GIGYF2: variants seen among roughly 807,000 people sequenced by gnomAD.
The protein encoded by GIGYF2 is GRB10 interacting GYF protein 2.
In GIGYF2, 25 loss-of-function variants were observed where a neutral mutation model predicts 208.1. The observed-to-expected ratio is 0.12, with a 90% CI of 0.09 to 0.17. The LOEUF (loss-of-function observed/expected upper bound fraction) is 0.17, where lower values mean the gene tolerates loss of function less well. GIGYF2 is among the 10% of genes least tolerant of loss of function. The pLI, the probability that GIGYF2 is intolerant of heterozygous loss-of-function variation, is 1.00. For synonymous variants in GIGYF2, 534 were observed against 543.8 expected, an observed-to-expected ratio of 0.98 and a Z score of 0.25; for missense variants, 1,302 against 1,579.4, an observed-to-expected ratio of 0.82 and a Z score of 2.98.
chr2:232,712,349 T>C (rs1397654279), intron 2 of GIGYF2, among the ~76,000 whole-genome samples: 1 of 152,222 alleles, frequency 6.6e-6, no homozygotes, highest in Non-Finnish European at 1.5e-5. Context: ...TATTTCCCAT[T>C]TCATCATGTA....
intron 3 of GIGYF2, among the ~76,000 whole-genome samples, chr2:232,746,968 A>G (rs1003645249): frequency 2.0e-5 from 3 of 152,156 alleles, no homozygotes; most frequent in Non-Finnish European, 4.4e-5. Context: ...GTTTGTTTCT[A>G]TGCTTTTGCT....
chr2:232,777,688 A>G (rs976602704), intron 8 of GIGYF2, among the ~76,000 whole-genome samples: 3 of 150,528 alleles, frequency 2.0e-5, no homozygotes, highest in African/African-American at 7.4e-5. Flanking sequence ...CTTCAACACA[A>G]GTTCAGACAC....
At chr2:232,742,566 A>C in intron 3 of GIGYF2, among the ~76,000 whole-genome samples, 1 of 152,228 alleles carries the variant, frequency 6.6e-6, no homozygotes, top group Middle Eastern at 3.4e-3. Context: ...TAAATAAATA[A>C]ATAAATAGTT....
At chr2:232,712,402 A>G (rs1184274316) in intron 2 of GIGYF2, among the ~76,000 whole-genome samples, 1 of 152,230 alleles carries the variant, frequency 6.6e-6, no homozygotes, top group African/African-American at 2.4e-5. Flanking sequence ...GATTAATACA[A>G]TTAATAGTTT....
chr2:232,702,765 A>G (rs1375858601), intron 1 of GIGYF2, among the ~76,000 whole-genome samples: 1 of 152,172 alleles, frequency 6.6e-6, no homozygotes, highest in East Asian at 1.9e-4. Context: ...CATAGGATGC[A>G]TATTGCTGTG....
At chr2:232,739,600 G>A (rs971272265) in intron 3 of GIGYF2, among the ~76,000 whole-genome samples, 11 of 151,618 alleles carry the variant, frequency 7.3e-5, no homozygotes, top group African/African-American at 2.7e-4. Context: ...GATCACTTGA[G>A]CCTGGGAGGT....
rs1701467919 is a variant in GIGYF2 at position 232,832,922 on chromosome 2, G to C, written c.2595G>C (p.Arg865=). The change falls in exon 22 of 29, where the codon CGG becomes CGC. Residue 865 remains arginine, a synonymous_variant. Coordinates refer to ENST00000373563, the MANE Select transcript of GIGYF2 (RefSeq NM_001103146.3). ...EEAQRRLEEN[R]LRMEEEAARL... ...CCCAGCGTCGATTAGAGGAGAACCGGCTGCGGATGGAAGAGGAGGCAGCCA... is the reference window on the plus strand; with the variant it reads ...CCCAGCGTCGATTAGAGGAGAACCGCCTGCGGATGGAAGAGGAGGCAGCCA... 1 of 1,564,750 alleles carries C rather than the reference G, an allele frequency of 6.4e-7. No individual in the cohort carries two copies. Among genetic ancestry groups the C allele is most frequent in the African/African-American group, 1.4e-5 (1 of 73,646 alleles).
rs1324333621 is a variant in GIGYF2, at chr2:232,754,156, C to A, written c.268-2067C>A. On this transcript the variant is annotated intron_variant, in intron 5 of 28. Coordinates refer to ENST00000373563, the MANE Select transcript of GIGYF2 (RefSeq NM_001103146.3). ...CTCCAGCCTGGATGACAGAGCAAGA[C>A]CCCGTCTCAAAAAAAAGAAAAAAAA... 3.3e-5 allele frequency among the ~76,000 whole-genome samples: 5 copies of A among 150,268 alleles called. 1 individual carries two copies. Among genetic ancestry groups the A allele is most frequent in the Non-Finnish European group, 4.4e-5 (3 of 67,686 alleles).
At position 232,816,951 on chromosome 2, in the gene GIGYF2, A is replaced by T. The variant is rs1052207781; in HGVS notation, c.2289A>T (p.Arg763Ser). ...EERKRQEELR[R>S]QQEEILRRQQ... The stretch of plus-strand genomic sequence containing the variant: ...GAAAGAGGCAGGAAGAACTCCGAAG[A>T]CAACAGGAGGAAATTCTTCGGCGAC... The change falls in exon 20 of 29, where the codon AGA (arginine) becomes AGT (serine). Residue 763 changes from arginine to serine, a missense_variant. By Grantham distance (110) the Arg-to-Ser change is moderately radical. Around this residue, in one of 8 missense-constraint regions of GIGYF2, gnomAD observed 701 missense variants for 793.0 expected, o/e 0.88. Coordinates refer to ENST00000373563, the MANE Select transcript of GIGYF2 (RefSeq NM_001103146.3). The T allele has an allele frequency of 6.8e-6, 11 of 1,612,680 alleles. No individual in the cohort carries two copies. The highest frequency in any genetic ancestry group is 9.3e-6 in the Non-Finnish European group (11 of 1,178,648).
rs376209488 is a variant in GIGYF2 at position 232,703,833 on chromosome 2, A to G, written c.-44+344A>G. ...CTGGGAAGCTTTCAGGAGCCATAGT[A>G]CTTGTAGATAGCACTTTTTTACCAG... On this transcript the variant is annotated intron_variant, in intron 2 of 28. Coordinates refer to ENST00000373563, the MANE Select transcript of GIGYF2 (RefSeq NM_001103146.3). 2.6e-5 allele frequency among the ~76,000 whole-genome samples: 4 copies of G among 152,300 alleles called. No individual in the cohort carries two copies. The South Asian group carries it at 8.3e-4, about 32-fold the overall frequency.
rs532216600 is a variant in GIGYF2, at chr2:232,728,423, G to A, written c.-43-6732G>A. Among the ~76,000 whole-genome samples the A allele has an allele frequency of 5.3e-5, 8 of 152,242 alleles. No individual in the cohort carries two copies. The South Asian group carries it at 1.5e-3, about 28-fold the overall frequency. The stretch of plus-strand genomic sequence containing the variant: ...ATCCAGACATGCATTAATAGAGTTT[G>A]GACTATAATGAAAGAGGAATCTTGA... On this transcript the variant is annotated intron_variant, in intron 2 of 28. Transcript: ENST00000373563.
intron 2 of GIGYF2, chr2:232,729,757 A>C (rs540416754): frequency 4.0e-6 from 3 of 751,028 alleles, no homozygotes; most frequent in Non-Finnish European, 7.4e-6. Context: ...TATCATCCCA[A>C]GGTTTCACAT....
At chr2:232,721,866 T>A (rs1387810119) in intron 2 of GIGYF2, among the ~76,000 whole-genome samples, 1 of 152,200 alleles carries the variant, frequency 6.6e-6, no homozygotes, top group Non-Finnish European at 1.5e-5. Context: ...TCCTCCCATG[T>A]TCCTGGTTTC....
intron 2 of GIGYF2, among the ~76,000 whole-genome samples, chr2:232,723,139 A>G (rs969744570): frequency 1.3e-5 from 2 of 151,510 alleles, no homozygotes; most frequent in South Asian, 4.2e-4. Flanking sequence ...AAATTCCCCT[A>G]CCCCCTTCAA....
At chr2:232,738,197 A>G (rs1319642016) in intron 3 of GIGYF2, among the ~76,000 whole-genome samples, 2 of 152,102 alleles carry the variant, frequency 1.3e-5, no homozygotes, top group African/African-American at 4.8e-5. Context: ...GAGTGCAAGC[A>G]TGAGCCACTG....
intron 1 of GIGYF2, chr2:232,700,738 T>G (rs975514484): frequency 1.1e-4 from 16 of 152,270 alleles, no homozygotes; most frequent in African/African-American, 3.8e-4. Context: ...AACTCAAGCT[T>G]TTTTTCACTG....
At chr2:232,722,275 G>A (rs566771195) in intron 2 of GIGYF2, among the ~76,000 whole-genome samples, 3 of 152,292 alleles carry the variant, frequency 2.0e-5, no homozygotes, top group African/African-American at 4.8e-5. Context: ...TGGGGAGGCC[G>A]CAGGAAAGTT....
chr2:232,786,635 A>G lies in GIGYF2; in HGVS notation c.533-515A>G, dbSNP rs1173663934. On this transcript the variant is annotated intron_variant, in intron 8 of 28. Transcript: ENST00000373563. ...CCAGTAGGTGTTGGTTATATAAAGT[A>G]TGTTGTATGATGAAAAATATCTTAT... Among the ~76,000 whole-genome samples, 14 of 152,348 alleles carry G rather than the reference A, an allele frequency of 9.2e-5. No homozygotes were observed. The East Asian group carries it at 2.7e-3, about 29-fold the overall frequency.
At chr2:232,708,676 A>T (rs1696245095) in intron 2 of GIGYF2, among the ~76,000 whole-genome samples, 1 of 123,220 alleles carries the variant, frequency 8.1e-6, no homozygotes, top group South Asian at 2.4e-4. Flanking sequence ...TTCTTTAAAA[A>T]AAAAAAAAAA....
Sources: allele counts gnomAD v4.1 joint callset (sites outside exome capture counted in the v4.1 genomes callset), GRCh38; gene constraint gnomAD v4.1.1; regional missense constraint gnomAD v4.1.1; transcripts MANE v1.5; gene names NCBI Gene and HGNC (gene_info 2026-07-23, HGNC 2026-07-21).